Variants in SI observed in about 807,000 individuals in gnomAD.
SI encodes the protein sucrase-isomaltase, intestinal.
SI carries 235 observed loss-of-function variants against 253.3 expected under a neutral mutation model. The ratio of observed to expected loss-of-function variants is 0.93; its 90% CI spans 0.83 to 1.03. The LOEUF is 1.03. Among genes scored for constraint, SI ranks in the 50% least tolerant of loss-of-function variants. The probability of loss-of-function intolerance (pLI) is 0.00; values close to 1 mark genes in which losing one functional copy is unlikely to be tolerated. For synonymous variants in SI, 819 were observed against 712.0 expected (o/e 1.15, Z -2.39); for missense variants, 2,442 against 2,211.1 (o/e 1.10, Z -2.09).
chr3:165,065,212 C>A, intron 7 of SI, 49 bp downstream of exon 7: 1 of 1,179,100 alleles, frequency 8.5e-7, no homozygotes. Flanking sequence ...AGATTTTCAT[C>A]TGCTGCAATA....
intron 35 of SI, 45 bp from the exon 36 acceptor site, chr3:165,008,043 C>T: frequency 9.8e-7 from 1 of 1,015,854 alleles, no homozygotes; most frequent in East Asian, 2.5e-5. Flanking sequence ...GATAAATTTA[C>T]AACATATATT....
At chr3:165,075,872 C>T (rs1714930399) in intron 2 of SI, 23 bp downstream of exon 2, 1 of 1,324,394 alleles carries the variant, frequency 7.6e-7, no homozygotes, top group Non-Finnish European at 1.1e-6. Flanking sequence ...ATAATGTAGC[C>T]ATGCTTTTAA....
At chr3:165,082,422 C>A, upstream of SI, among the ~76,000 whole-genome samples, 1 of 151,952 alleles carries the variant, frequency 6.6e-6, no homozygotes, top group East Asian at 1.9e-4. Flanking sequence ...CCACCTCTCA[C>A]CACAAAATAA....
intron 38 of SI, among the ~76,000 whole-genome samples, chr3:164,998,208 A>G (rs557431707): frequency 1.3e-5 from 2 of 151,900 alleles, no homozygotes; most frequent in East Asian, 1.9e-4. Context: ...TGACTTTTTA[A>G]TAATAGCTAT....
intron 34 of SI, among the ~76,000 whole-genome samples, chr3:165,011,783 A>AT (rs1197561708): frequency 5.4e-5 from 8 of 147,452 alleles, no homozygotes; most frequent in Admixed American, 2.0e-4. Flanking sequence ...ATTTATTATT[A>AT]TTATTTATTT....
chr3:165,057,516 G>C (rs576664161), intron 12 of SI, among the ~76,000 whole-genome samples: 2 of 151,864 alleles, frequency 1.3e-5, no homozygotes, highest in Admixed American at 6.6e-5. Context: ...TAACCCAAAA[G>C]AGACTACCTC....
At position 165,017,618 on chromosome 3, in the gene SI, C is replaced by T. The variant is rs540392739; in HGVS notation, c.3689G>A (p.Arg1230His). 2.4e-5 allele frequency: 39 copies of T among 1,612,554 alleles called. No individual in the cohort carries two copies. Among genetic ancestry groups the T allele is most frequent in the Admixed American group, 8.3e-5 (5 of 59,920 alleles). ...AYWALGFQLCRYGYANTSEVR... is the reference protein window; with the variant it reads ...AYWALGFQLCHYGYANTSEVR... Reference sequence around the variant, plus strand: ...CTCTGAAGTATTTGCATATCCATAACGACATAATTGGAATCCCAAAGCCCA... The same window carrying T: ...CTCTGAAGTATTTGCATATCCATAATGACATAATTGGAATCCCAAAGCCCA... The change falls in exon 31 of 48, where the codon CGT (arginine) becomes CAT (histidine). Residue 1230 changes from arginine (R) to histidine (H), a missense_variant. Coordinates refer to ENST00000264382, the MANE Select transcript of SI (RefSeq NM_001041.4).
intron 3 of SI, among the ~76,000 whole-genome samples, chr3:165,071,319 G>A (rs1051029467): frequency 2.6e-5 from 4 of 151,450 alleles, no homozygotes; most frequent in African/African-American, 9.7e-5. Context: ...TGTTTAGTTG[G>A]TCTTCCTATT....
chr3:165,063,799 T>A (rs1252286288), intron 7 of SI, among the ~76,000 whole-genome samples: 1 of 150,512 alleles, frequency 6.6e-6, no homozygotes, highest in African/African-American at 2.4e-5. Context: ...TTAACTGTCC[T>A]ATTTCATTTT....
At chr3:165,029,598 A>ATG (rs1712123296) in intron 25 of SI, among the ~76,000 whole-genome samples, 2 of 145,656 alleles carry the variant, frequency 1.4e-5, no homozygotes, top group Admixed American at 1.4e-4. Context: ...ATGTATATAT[A>ATG]TACATATATA....
intron 21 of SI, among the ~76,000 whole-genome samples, chr3:165,037,034 T>G (rs1340678893): frequency 6.6e-6 from 1 of 151,782 alleles, no homozygotes; most frequent in African/African-American, 2.4e-5. Context: ...TTCCTTCCAG[T>G]ATGCATTTAC....
In SI at chr3:165,044,260, T is replaced by G. The variant is rs139796157; in HGVS notation, c.1888-1085A>C. Among the ~76,000 whole-genome samples the G allele has an allele frequency of 7.8e-3, 1,181 of 152,148 alleles. 51 individuals are homozygous for G. The highest frequency in any genetic ancestry group is 0.065 in the Admixed American group (998 of 15,244). On this transcript the variant is annotated intron_variant, in intron 16 of 47. Coordinates refer to ENST00000264382, the MANE Select transcript of SI (RefSeq NM_001041.4). ...ATAGGGGTTACTCACCCTGTATAGA[T>G]ATCCTTGTGAATATGTAAAAAACAT...
intron 1 of SI, among the ~76,000 whole-genome samples, chr3:165,076,955 T>G (rs1258544858): frequency 6.6e-6 from 1 of 151,100 alleles, no homozygotes; most frequent in Non-Finnish European, 1.5e-5. Flanking sequence ...TTTAATAAAT[T>G]ATTGGGTTTA....
intron 20 of SI, among the ~76,000 whole-genome samples, chr3:165,038,864 T>C (rs1440494002): frequency 1.3e-5 from 2 of 152,012 alleles, no homozygotes; most frequent in Non-Finnish European, 2.9e-5. Flanking sequence ...ATAATATAAC[T>C]TCATATTTGA....
rs1011523746 is a variant in SI at position 165,018,810 on chromosome 3, G to A, written c.3424-744C>T. Among the ~76,000 whole-genome samples the A allele has an allele frequency of 5.3e-5, 8 of 151,580 alleles. No homozygotes were observed. The East Asian group carries it at 7.8e-4, about 15-fold the overall frequency. ...TTTAAGAAATCAGTTTTGGTAAAAT[G>A]TATTCTTTCAAGTTAGTGTTAATAG... On this transcript the variant is annotated intron_variant, in intron 28 of 47. Transcript: ENST00000264382.
upstream of SI, among the ~76,000 whole-genome samples, chr3:165,078,981 C>A (rs1715179064): frequency 1.3e-5 from 2 of 151,338 alleles, no homozygotes; most frequent in South Asian, 4.1e-4. Flanking sequence ...GAAAAAGTGA[C>A]CAAATCCTTA....
intron 10 of SI, 78 bp downstream of exon 10, chr3:165,059,824 T>C (rs946484540): frequency 1.1e-5 from 16 of 1,451,822 alleles, no homozygotes; most frequent in Admixed American, 1.0e-4. Context: ...TAGATACTCC[T>C]GACAATTTCC....
At chr3:165,030,618 A>G (rs1470109410) in intron 25 of SI, 94 bp downstream of exon 25, 2 of 1,298,162 alleles carry the variant, frequency 1.5e-6, no homozygotes, top group African/African-American at 1.5e-5. Flanking sequence ...AATTTAGTTT[A>G]TATGCTGCAG....
chr3:165,034,586 T>C (rs1301896392), intron 22 of SI, among the ~76,000 whole-genome samples: 1 of 152,000 alleles, frequency 6.6e-6, no homozygotes, highest in African/African-American at 2.4e-5. Context: ...GAGCTCACCC[T>C]AGTGTGCTTA....
Sources: gnomAD v4.1 joint callset for allele counts (sites outside exome capture counted in the v4.1 genomes callset) on GRCh38, gnomAD v4.1.1 for gene constraint, MANE v1.5 for transcripts, NCBI Gene and HGNC (gene_info 2026-07-23, HGNC 2026-07-21) for gene names.